SPINT2: variants seen among roughly 807,000 people sequenced by gnomAD.
SPINT2 encodes kunitz-type protease inhibitor 2.
Under a neutral mutation model 30.1 loss-of-function variants are expected in SPINT2, and 18 were observed. The ratio of observed to expected loss-of-function variants is 0.60; its 90% CI spans 0.41 to 0.89. The LOEUF is 0.89. SPINT2 is among the 40% of genes least tolerant of loss of function. The pLI, the probability that SPINT2 is intolerant of heterozygous loss-of-function variation, is 0.00. For synonymous variants in SPINT2, 139 were observed against 137.9 expected, an observed-to-expected ratio of 1.01 and a Z score of -0.05; for missense variants, 276 against 334.3, an observed-to-expected ratio of 0.83 and a Z score of 1.36.
intron 3 of SPINT2, chr19:38,288,918 C>T (rs1600350754): frequency 3.5e-6 from 2 of 568,360 alleles, no homozygotes; most frequent in East Asian, 3.0e-5. Context: ...TCTATAGGAA[C>T]CCTGAGGTGG....
intron 4 of SPINT2, chr19:38,289,811 C>T (rs1968693031): frequency 2.3e-6 from 1 of 426,506 alleles, no homozygotes; most frequent in Admixed American, 3.5e-5. Context: ...TGTTGCCCCG[C>T]CTCAGAGTTC....
At chr19:38,288,447 G>C (rs1968670072) in intron 3 of SPINT2, 3 of 252,004 alleles carry the variant, frequency 1.2e-5, no homozygotes, top group African/African-American at 6.7e-5. Context: ...GGCGGCTGCT[G>C]CCCCATTCCT....
chr19:38,273,051 T>G (rs1022965413), intron 1 of SPINT2, among the ~76,000 whole-genome samples: 2 of 151,910 alleles, frequency 1.3e-5, no homozygotes, highest in Non-Finnish European at 2.9e-5. Context: ...TCTAAATATT[T>G]TATATAGAAA....
intron 1 of SPINT2, among the ~76,000 whole-genome samples, chr19:38,274,319 C>CTT (rs202066194): frequency 2.0e-5 from 3 of 150,532 alleles, no homozygotes; most frequent in Non-Finnish European, 3.0e-5. Context: ...TTTTTTCTTT[C>CTT]TTTTTTTTTG....
chr19:38,291,329 T>C lies in SPINT2; in HGVS notation c.593-511T>C, dbSNP rs142925458. 2.3e-3 allele frequency: 366 copies of C among 162,272 alleles called. 1 individual carries two copies. The highest frequency in any genetic ancestry group is 0.016 in the Middle Eastern group (5 of 308). The allele number at this position is 162,272 out of a possible 1,614,324, so 10.1% of individuals were successfully genotyped here. ...GCAGTGGGGCAGACACTATTAAATTTGCTGGCACAGCTCTGAGTACCCCCT... is the reference window on the plus strand; with the variant it reads ...GCAGTGGGGCAGACACTATTAAATTCGCTGGCACAGCTCTGAGTACCCCCT... On this transcript the variant is annotated intron_variant, in intron 6 of 6. Coordinates refer to ENST00000301244, the MANE Select transcript of SPINT2 (RefSeq NM_021102.4).
chr19:38,274,825 A>AAC, intron 1 of SPINT2, among the ~76,000 whole-genome samples: 1 of 151,844 alleles, frequency 6.6e-6, no homozygotes, highest in Non-Finnish European at 1.5e-5. Context: ...AAAAAAAAAA[A>AAC]AACATAAAAT....
At chr19:38,270,126 A>G (rs1018943565) in intron 1 of SPINT2, among the ~76,000 whole-genome samples, 1 of 152,172 alleles carries the variant, frequency 6.6e-6, no homozygotes, top group African/African-American at 2.4e-5. Flanking sequence ...AGCAGACTCC[A>G]CAGACGTGTT....
At chr19:38,288,578 A>AT (rs1168057386) in intron 3 of SPINT2, 1 of 197,088 alleles carries the variant, frequency 5.1e-6, no homozygotes, top group Non-Finnish European at 1.1e-5. Context: ...GCTGCTGTGG[A>AT]GGGGGTACTG....
At chr19:38,278,498 G>A (rs1426872317) in intron 1 of SPINT2, among the ~76,000 whole-genome samples, 1 of 152,206 alleles carries the variant, frequency 6.6e-6, no homozygotes, top group Non-Finnish European at 1.5e-5. Context: ...CACATGATAT[G>A]CCAGGCATCA....
At chr19:38,278,734 C>T (rs778128800) in intron 1 of SPINT2, among the ~76,000 whole-genome samples, 3 of 152,038 alleles carry the variant, frequency 2.0e-5, no homozygotes, top group Non-Finnish European at 4.4e-5. Flanking sequence ...CTCAGGAGGT[C>T]GAGGCTGCAG....
At chr19:38,277,405 C>A (rs144704149) in intron 1 of SPINT2, among the ~76,000 whole-genome samples, 65 of 151,742 alleles carry the variant, frequency 4.3e-4, no homozygotes, top group African/African-American at 1.5e-3. Flanking sequence ...CCACCACACC[C>A]GGCTCATTTT....
Position 38,287,223 on chromosome 19 carries a change from G to A in SPINT2, c.278-653G>A, listed in dbSNP as rs367951712. The stretch of plus-strand genomic sequence containing the variant: ...GGTTTTTTTGTTTGTTTTTTGAGAC[G>A]GAGTCTCACTCTGTTGCCCAGGCTG... On this transcript the variant is annotated intron_variant, in intron 2 of 6. Transcript: ENST00000301244. 6.6e-5 allele frequency among the ~76,000 whole-genome samples: 10 copies of A among 151,964 alleles called. No homozygotes were observed. The South Asian group carries it at 8.3e-4, about 13-fold the overall frequency.
intron 4 of SPINT2, chr19:38,289,844 C>T (rs1968693346): frequency 2.0e-6 from 1 of 507,864 alleles, no homozygotes; most frequent in African/African-American, 1.9e-5. Flanking sequence ...TGAAGGGTCC[C>T]AGATAGGTCT....
intron 1 of SPINT2, among the ~76,000 whole-genome samples, chr19:38,274,261 T>A (rs961507846): frequency 6.6e-6 from 1 of 152,092 alleles, no homozygotes; most frequent in African/African-American, 2.4e-5. Context: ...AAATACTATT[T>A]TAAGCAATTA....
At chr19:38,282,550 C>T (rs1480717971) in intron 1 of SPINT2, among the ~76,000 whole-genome samples, 1 of 152,192 alleles carries the variant, frequency 6.6e-6, no homozygotes, top group Non-Finnish European at 1.5e-5. Context: ...TTTCTCTCTC[C>T]CTTTCAAGAG....
At chr19:38,269,651 C>A (rs1024614040) in intron 1 of SPINT2, among the ~76,000 whole-genome samples, 8 of 147,870 alleles carry the variant, frequency 5.4e-5, no homozygotes, top group African/African-American at 1.8e-4. Flanking sequence ...CGCTCTGTCG[C>A]CCAGGCCGGA....
chr19:38,289,379 G>A (rs1568344117), intron 4 of SPINT2, 188 bp downstream of exon 4: 1 of 491,150 alleles, frequency 2.0e-6, no homozygotes, highest in Non-Finnish European at 3.8e-6. Context: ...AGCTACTCAG[G>A]AGACTGAGGC....
At position 38,289,160 on chromosome 19, in the gene SPINT2, A is replaced by C. The variant is rs1283055153; in HGVS notation, c.360A>C (p.Glu120Asp). ...CAGCTCCCAGAAGGCAGGATTCTGA[A>C]GACCACTCCAGCGATATGTTCAACT... ...VPSAPRRQDS[E>D]DHSSDMFNYE... Residue 120 changes from glutamate to aspartate, a missense_variant, in exon 4 of 7, where the codon GAA becomes GAC. Physicochemically the swap from Glu to Asp is conservative, Grantham distance 45. Transcript: ENST00000301244. 6.2e-7 allele frequency: 1 copy of C among 1,613,910 alleles called. No homozygotes were observed. The highest frequency in any genetic ancestry group is 1.3e-5 in the African/African-American group (1 of 74,902).
chr19:38,282,541 TTCTC>T (rs1044474467), intron 1 of SPINT2, among the ~76,000 whole-genome samples: 4 of 152,252 alleles, frequency 2.6e-5, no homozygotes, highest in African/African-American at 9.6e-5. Context: ...TAGCAATTGT[TTCTC>T]TCTCCCTTTC....
Sources: gnomAD v4.1 joint callset for allele counts (sites outside exome capture counted in the v4.1 genomes callset) on GRCh38, gnomAD v4.1.1 for gene constraint, MANE v1.5 for transcripts, NCBI Gene and HGNC (gene_info 2026-07-23, HGNC 2026-07-21) for gene names.